The following SLCO5A1 variants were observed in gnomAD, a reference collection of about 807,000 sequenced individuals.
SLCO5A1 encodes the protein organic anion transporter polypeptide-related protein 4.
SLCO5A1 carries 39 observed loss-of-function variants against 65.1 expected under a neutral mutation model. That is an observed-to-expected ratio of 0.60 (90% CI 0.46 to 0.78). SLCO5A1 has a LOEUF of 0.78. Ranked by LOEUF, SLCO5A1 falls within the 30% of genes least tolerant of loss-of-function variation. The probability of loss-of-function intolerance (pLI) is 0.00; values close to 1 mark genes in which losing one functional copy is unlikely to be tolerated. For synonymous variants in SLCO5A1, 438 were observed against 415.7 expected, an observed-to-expected ratio of 1.05 and a Z score of -0.65; for missense variants, 1,029 against 1,069.4, an observed-to-expected ratio of 0.96 and a Z score of 0.53.
chr8:69,704,398 G>A (rs2959579), intron 6 of SLCO5A1, among the ~76,000 whole-genome samples: 14,844 of 152,208 alleles, frequency 0.098, 906 homozygotes, highest in South Asian at 0.18. Context: ...TGGTAAGGGG[G>A]AGTTATGCTT....
chr8:69,719,314 C>T (rs1170269546), intron 5 of SLCO5A1, among the ~76,000 whole-genome samples: 1 of 151,998 alleles, frequency 6.6e-6, no homozygotes, highest in Non-Finnish European at 1.5e-5. Flanking sequence ...TAATGAAATC[C>T]ACAAAATAAG....
chr8:69,790,987 C>T (rs1819244171), intron 2 of SLCO5A1, among the ~76,000 whole-genome samples: 1 of 152,030 alleles, frequency 6.6e-6, no homozygotes, highest in Non-Finnish European at 1.5e-5. Flanking sequence ...GTACAAACAG[C>T]ATATTCCCTT....
chr8:69,714,045 C>T (rs1171876108), intron 5 of SLCO5A1, among the ~76,000 whole-genome samples: 2 of 152,180 alleles, frequency 1.3e-5, no homozygotes, highest in Non-Finnish European at 2.9e-5. Flanking sequence ...TGAGAAGAGA[C>T]AGCGCGATAA....
chr8:69,782,020 T>C (rs1818819733), intron 2 of SLCO5A1, among the ~76,000 whole-genome samples: 1 of 152,128 alleles, frequency 6.6e-6, no homozygotes, highest in South Asian at 2.1e-4. Flanking sequence ...TATAATAAAT[T>C]CATCTGAATT....
chr8:69,733,625 C>T (rs139155818), intron 5 of SLCO5A1, among the ~76,000 whole-genome samples: 2 of 152,302 alleles, frequency 1.3e-5, no homozygotes, highest in East Asian at 1.9e-4. Flanking sequence ...GTGATGTGAT[C>T]GTGGTGGTGG....
chr8:69,808,642 T>C (rs1820107834), intron 2 of SLCO5A1, among the ~76,000 whole-genome samples: 1 of 152,220 alleles, frequency 6.6e-6, no homozygotes, highest in Non-Finnish European at 1.5e-5. Flanking sequence ...AGTGCATTTG[T>C]CTTTATAATA....
At chr8:69,789,909 T>G (rs1264311460) in intron 2 of SLCO5A1, among the ~76,000 whole-genome samples, 1 of 152,056 alleles carries the variant, frequency 6.6e-6, no homozygotes, top group African/African-American at 2.4e-5. Context: ...AGAGGGTAAT[T>G]GGGCCGGGCA....
chr8:69,823,658 C>A (rs910251548), intron 2 of SLCO5A1, among the ~76,000 whole-genome samples: 1 of 152,134 alleles, frequency 6.6e-6, no homozygotes, highest in Non-Finnish European at 1.5e-5. Flanking sequence ...GAGACTTAGA[C>A]TCCCACACAA....
At chr8:69,764,123 A>G (rs1446111150) in intron 2 of SLCO5A1, among the ~76,000 whole-genome samples, 3 of 152,238 alleles carry the variant, frequency 2.0e-5, no homozygotes, top group Non-Finnish European at 4.4e-5. Context: ...TCGGCCTCCC[A>G]AAGTGCTGAG....
chr8:69,724,278 A>G lies in SLCO5A1; in HGVS notation c.1423+13762T>C, dbSNP rs1172588556. Among the ~76,000 whole-genome samples, 4 of 152,348 alleles carry G rather than the reference A, an allele frequency of 2.6e-5. No homozygotes were observed. The East Asian group carries it at 5.8e-4, about 22-fold the overall frequency. The stretch of plus-strand genomic sequence containing the variant: ...TATCTTCTGAACTACTGAATAATGT[A>G]TCACTGAATAATAATATCACTGAAC... On this transcript the variant is annotated intron_variant, in intron 5 of 9. Transcript: ENST00000260126.
chr8:69,798,488 C>A (rs531296226), intron 2 of SLCO5A1, among the ~76,000 whole-genome samples: 61 of 152,222 alleles, frequency 4.0e-4, no homozygotes, highest in Admixed American at 9.2e-4. Context: ...ATGGCCAATG[C>A]AAGAGGAAGA....
At chr8:69,697,628 G>A (rs1206667761) in intron 6 of SLCO5A1, among the ~76,000 whole-genome samples, 1 of 152,090 alleles carries the variant, frequency 6.6e-6, no homozygotes, top group Non-Finnish European at 1.5e-5. Flanking sequence ...AGGATTATAA[G>A]AAGGCTCCAT....
intron 5 of SLCO5A1, among the ~76,000 whole-genome samples, chr8:69,711,117 C>T (rs953661565): frequency 3.3e-5 from 5 of 152,110 alleles, no homozygotes; most frequent in African/African-American, 1.2e-4. Context: ...CACCACGCGC[C>T]ATCCAGGCCT....
rs942370708 is a variant in SLCO5A1, at chr8:69,732,757, C to T, written c.1423+5283G>A. Among the ~76,000 whole-genome samples, 6 of 151,888 alleles carry T rather than the reference C, an allele frequency of 4.0e-5. No individual in the cohort carries two copies. In the East Asian group the frequency reaches 5.8e-4, roughly 15 times the overall value. On this transcript the variant is annotated intron_variant, in intron 5 of 9. Transcript: ENST00000260126. ...TACAAAAATTAGCTAGGCATGGTGGCGCATGCCTGTAGTCCCAGCTACTTG... is the reference window on the plus strand; with the variant it reads ...TACAAAAATTAGCTAGGCATGGTGGTGCATGCCTGTAGTCCCAGCTACTTG...
intron 5 of SLCO5A1, among the ~76,000 whole-genome samples, chr8:69,736,383 A>G (rs1214997123): frequency 6.6e-6 from 1 of 152,254 alleles, no homozygotes. Flanking sequence ...GGCTTTAGCC[A>G]TATGCATTCA....
chr8:69,802,240 T>C (rs749702250), intron 2 of SLCO5A1, among the ~76,000 whole-genome samples: 7 of 152,090 alleles, frequency 4.6e-5, no homozygotes, highest in Admixed American at 1.3e-4. Flanking sequence ...CAGTGGCTCA[T>C]ACCTGTAATC....
Position 69,679,597 on chromosome 8 carries a change from G to A in SLCO5A1, c.1805C>T (p.Thr602Ile), listed in dbSNP as rs199961550. The A allele has an allele frequency of 4.3e-6, 7 of 1,614,142 alleles. No homozygotes were observed. The highest frequency in any genetic ancestry group is 5.9e-6 in the Non-Finnish European group (7 of 1,180,024). ...GATCACTTGGCGACTTTGGACACAG[G>A]TGCATTCTGTATAATTCCGTATCTA... Reference protein sequence around the residue: ...STGIRNYTECTCVQSRQVITP... With the variant: ...STGIRNYTECICVQSRQVITP... The change falls in exon 8 of 10, where the codon ACC becomes ATC. Residue 602 changes from threonine (T) to isoleucine (I), a missense_variant. By Grantham distance (89) the Thr-to-Ile change is moderately conservative. Around this residue, in one of 3 missense-constraint regions of SLCO5A1, gnomAD observed 124 missense variants for 184.5 expected, o/e 0.67. Coordinates refer to ENST00000260126, the MANE Select transcript of SLCO5A1 (RefSeq NM_030958.3).
intron 2 of SLCO5A1, among the ~76,000 whole-genome samples, chr8:69,795,647 G>A (rs1819458290): frequency 6.6e-6 from 1 of 152,206 alleles, no homozygotes; most frequent in African/African-American, 2.4e-5. Context: ...GGTGCAAGAT[G>A]ACAGTGGATC....
intron 2 of SLCO5A1, among the ~76,000 whole-genome samples, chr8:69,824,157 G>T (rs1820767801): frequency 6.6e-6 from 1 of 151,808 alleles, no homozygotes; most frequent in Non-Finnish European, 1.5e-5. Flanking sequence ...AGCACTAAAT[G>T]CCCACAAGAG....
Sources: allele counts gnomAD v4.1 joint callset (sites outside exome capture counted in the v4.1 genomes callset), GRCh38; gene constraint gnomAD v4.1.1; regional missense constraint gnomAD v4.1.1; transcripts MANE v1.5; gene names NCBI Gene and HGNC (gene_info 2026-07-23, HGNC 2026-07-21).